The following COL25A1 variants were observed in gnomAD, a reference collection of about 807,000 sequenced individuals.
The protein encoded by COL25A1 is collagen alpha-1(XXV) chain.
In COL25A1, 103 loss-of-function variants were observed where a neutral mutation model predicts 128.4. That is an observed-to-expected ratio of 0.80 (90% CI 0.68 to 0.94). The LOEUF (loss-of-function observed/expected upper bound fraction) is 0.94. COL25A1 is among the 40% of genes least tolerant of loss of function. The pLI, the probability that COL25A1 is intolerant of heterozygous loss-of-function variation, is 0.00. For missense variants in COL25A1, 745 were observed against 840.0 expected (o/e 0.89, Z 1.40); for synonymous variants, 279 against 277.2 (o/e 1.01, Z -0.06).
intron 3 of COL25A1, among the ~76,000 whole-genome samples, chr4:109,078,777 G>A (rs1763593355): frequency 6.6e-6 from 1 of 152,182 alleles, no homozygotes; most frequent in African/African-American, 2.4e-5. Flanking sequence ...ACTGTGAAGT[G>A]CCTGCAAATC....
intron 6 of COL25A1, among the ~76,000 whole-genome samples, chr4:108,984,642 C>G (rs1013134817): frequency 3.3e-5 from 5 of 152,344 alleles, no homozygotes; most frequent in South Asian, 2.1e-4. Context: ...CCGGCCGCTC[C>G]GAAGTGCGGG....
At chr4:108,940,509 T>C in intron 10 of COL25A1, 30 bp downstream of exon 10, 2 of 1,563,186 alleles carry the variant, frequency 1.3e-6, no homozygotes. Context: ...GCAAAACGTG[T>C]GAGAATAAGT....
At chr4:109,192,260 G>C (rs929391096) in intron 3 of COL25A1, among the ~76,000 whole-genome samples, 1 of 152,082 alleles carries the variant, frequency 6.6e-6, no homozygotes. Context: ...AAAAGATCTC[G>C]GCATTAAAGA....
rs919761381 is a variant in COL25A1, at chr4:109,231,790, C to T, written c.367+68793G>A. On this transcript the variant is annotated intron_variant, in intron 3 of 37. Coordinates refer to ENST00000399132, the MANE Select transcript of COL25A1 (RefSeq NM_198721.4). ...ATTCAGGCAGACCTGGTCTAAACCT[C>T]GGCACTCTGTTACTAAATATGTGAT... 7.9e-5 allele frequency among the ~76,000 whole-genome samples: 12 copies of T among 152,276 alleles called. No individual in the cohort carries two copies. In the East Asian group the frequency reaches 1.5e-3, roughly 20 times the overall value.
intron 5 of COL25A1, among the ~76,000 whole-genome samples, chr4:109,011,340 G>C (rs899357696): frequency 1.3e-5 from 2 of 152,166 alleles, no homozygotes; most frequent in African/African-American, 4.8e-5. Flanking sequence ...CTCTCTCCAG[G>C]CTTGCAATTT....
intron 30 of COL25A1, among the ~76,000 whole-genome samples, chr4:108,842,742 G>T (rs542990367): frequency 6.6e-6 from 1 of 152,230 alleles, no homozygotes; most frequent in Non-Finnish European, 1.5e-5. Context: ...GATATGAACA[G>T]GCTGTAGCAT....
intron 19 of COL25A1, among the ~76,000 whole-genome samples, chr4:108,879,632 A>G (rs1739874722): frequency 1.3e-5 from 2 of 151,814 alleles, no homozygotes; most frequent in South Asian, 4.2e-4. Flanking sequence ...TTTTTAGTAG[A>G]GATGTGGTTT....
chr4:109,032,300 T>C (rs574702162), intron 5 of COL25A1, among the ~76,000 whole-genome samples: 2 of 152,300 alleles, frequency 1.3e-5, no homozygotes, highest in African/African-American at 2.4e-5. Flanking sequence ...AACATCTGAC[T>C]CTTTAAAAAT....
intron 13 of COL25A1, among the ~76,000 whole-genome samples, chr4:108,904,927 A>G (rs1743292785): frequency 6.6e-6 from 1 of 152,142 alleles, no homozygotes; most frequent in African/African-American, 2.4e-5. Context: ...TTAAAAAAAC[A>G]ACTCTTTTAG....
chr4:108,843,915 T>A (rs1177480954), intron 30 of COL25A1, among the ~76,000 whole-genome samples: 2 of 148,654 alleles, frequency 1.3e-5, no homozygotes, highest in Admixed American at 6.8e-5. Context: ...TATTATTATT[T>A]TTGAGATAGA....
At chr4:108,875,609 T>G (rs2125821689) in intron 19 of COL25A1, among the ~76,000 whole-genome samples, 1 of 152,342 alleles carries the variant, frequency 6.6e-6, no homozygotes, top group Non-Finnish European at 1.5e-5. Context: ...TTTACACTGT[T>G]GGTGGGACTG....
At chr4:109,272,203 T>A (rs917053909) in intron 3 of COL25A1, among the ~76,000 whole-genome samples, 3 of 152,092 alleles carry the variant, frequency 2.0e-5, no homozygotes, top group African/African-American at 7.2e-5. Flanking sequence ...CACAGCACTC[T>A]AGCCTGGGCA....
intron 3 of COL25A1, among the ~76,000 whole-genome samples, chr4:109,196,116 C>T (rs972852053): frequency 1.3e-5 from 2 of 152,256 alleles, no homozygotes; most frequent in East Asian, 1.9e-4. Flanking sequence ...GTTCTCTGTG[C>T]GCTGTACACA....
chr4:109,180,232 C>G (rs1364186110), intron 3 of COL25A1, among the ~76,000 whole-genome samples: 1 of 152,038 alleles, frequency 6.6e-6, no homozygotes, highest in African/African-American at 2.4e-5. Flanking sequence ...AACATAAGAC[C>G]TTTGGCAACA....
intron 5 of COL25A1, among the ~76,000 whole-genome samples, chr4:109,015,255 C>T (rs541199104): frequency 1.3e-5 from 2 of 152,264 alleles, no homozygotes; most frequent in African/African-American, 2.4e-5. Flanking sequence ...TATTTTCATT[C>T]GTTACTGAGT....
chr4:109,218,800 T>C (rs1471547007), intron 3 of COL25A1, among the ~76,000 whole-genome samples: 1 of 152,182 alleles, frequency 6.6e-6, no homozygotes, highest in African/African-American at 2.4e-5. Flanking sequence ...GGGAGTTTTT[T>C]ATCTAATGAG....
rs571326679 is a variant in COL25A1, at chr4:109,022,162, C to T, written c.421-11787G>A. The T allele has an allele frequency of 3.1e-4, 140 of 453,268 alleles. 2 individuals are homozygous for T. The highest frequency in any genetic ancestry group is 1.3e-3 in the Admixed American group (57 of 42,466). The allele number at this position is 453,268 out of a possible 1,614,324, so 28.1% of individuals were successfully genotyped here. A position where few individuals can be genotyped will look rare whatever the true frequency, so the allele number is the denominator to read the frequency against. On this transcript the variant is annotated intron_variant, in intron 5 of 37. Transcript: ENST00000399132. The stretch of plus-strand genomic sequence containing the variant: ...GGTTTTACAGCTCAGGTGGGCATCA[C>T]GGACCTGCCGATATGTGATGTTGCC...
At chr4:109,106,415 C>A (rs1766434175) in intron 3 of COL25A1, among the ~76,000 whole-genome samples, 1 of 152,116 alleles carries the variant, frequency 6.6e-6, no homozygotes, top group African/African-American at 2.4e-5. Flanking sequence ...TTGCCCCTCT[C>A]TCCCCAACCA....
chr4:109,202,678 T>A (rs1578427024), intron 3 of COL25A1, among the ~76,000 whole-genome samples: 1 of 152,148 alleles, frequency 6.6e-6, no homozygotes, highest in Non-Finnish European at 1.5e-5. Context: ...GTTAAGAGAA[T>A]GAAGGGACAA....
Sources: allele counts gnomAD v4.1 joint callset (sites outside exome capture counted in the v4.1 genomes callset), GRCh38; gene constraint gnomAD v4.1.1; transcripts MANE v1.5; gene names NCBI Gene and HGNC (gene_info 2026-07-23, HGNC 2026-07-21).